The following TENM2 variants were observed in gnomAD, a reference collection of about 807,000 sequenced individuals.
TENM2 encodes the protein teneurin transmembrane protein 2, also known as teneurin-2.
Under a neutral mutation model 245.2 loss-of-function variants are expected in TENM2, and 52 were observed. That is an observed-to-expected ratio of 0.21 (90% confidence interval 0.17 to 0.27). The LOEUF is 0.27. TENM2 is among the 10% of genes least tolerant of loss of function. TENM2 has a pLI of 1.00. For missense variants in TENM2, 3,046 were observed against 3,666.8 expected (o/e 0.83, Z 4.37); for synonymous variants, 1,363 against 1,438.9 (o/e 0.95, Z 1.19).
chr5:167,996,609 C>T (rs775140383), intron 5 of TENM2, among the ~76,000 whole-genome samples: 1 of 152,150 alleles, frequency 6.6e-6, no homozygotes, highest in South Asian at 2.1e-4. Flanking sequence ...TATTACCAAC[C>T]TCACCTATTT....
the TENM2 span, among the ~76,000 whole-genome samples, chr5:167,115,389 A>T: frequency 6.6e-6 from 1 of 152,194 alleles, no homozygotes; most frequent in Non-Finnish European, 1.5e-5. Context: ...TTTATTCTTG[A>T]TACGAAGGGC....
chr5:167,314,180 G>GT (rs1756214138), intron 1 of TENM2, among the ~76,000 whole-genome samples: 1 of 152,142 alleles, frequency 6.6e-6, no homozygotes, highest in South Asian at 2.1e-4. Flanking sequence ...TCTTTTTTAG[G>GT]TTTTTCCCAC....
chr5:167,018,530 A>G, the TENM2 span, among the ~76,000 whole-genome samples: 1 of 152,288 alleles, frequency 6.6e-6, no homozygotes, highest in East Asian at 1.9e-4. Flanking sequence ...GCTAAGAACA[A>G]TATGTCATGA....
At chr5:167,142,630 A>C in the TENM2 span, among the ~76,000 whole-genome samples, 8 of 152,134 alleles carry the variant, frequency 5.3e-5, no homozygotes, top group African/African-American at 1.7e-4. Flanking sequence ...GGCTCACTGC[A>C]GCCTCCTCCA....
chr5:167,101,654 C>A, the TENM2 span, among the ~76,000 whole-genome samples: 1 of 151,278 alleles, frequency 6.6e-6, no homozygotes, highest in African/African-American at 2.4e-5. Context: ...GCTTCCACTC[C>A]CTCTTGGGAA....
intron 27 of TENM2, among the ~76,000 whole-genome samples, chr5:168,252,338 A>G (rs1381380285): frequency 6.9e-6 from 1 of 145,240 alleles, no homozygotes; most frequent in African/African-American, 2.6e-5. Context: ...TGATTGTGCC[A>G]TGGCACTCTT....
chr5:167,202,989 T>G, the TENM2 span, among the ~76,000 whole-genome samples: 3 of 152,190 alleles, frequency 2.0e-5, no homozygotes, highest in Non-Finnish European at 4.4e-5. Flanking sequence ...GGAATTGAGG[T>G]AGAGTGATGA....
chr5:167,211,310 T>C, the TENM2 span, among the ~76,000 whole-genome samples: 6 of 152,224 alleles, frequency 3.9e-5, no homozygotes, highest in African/African-American at 1.2e-4. Flanking sequence ...AAAATATATG[T>C]GATAGTTTGT....
chr5:167,689,913 A>G (rs2150401184), intron 2 of TENM2, among the ~76,000 whole-genome samples: 1 of 152,216 alleles, frequency 6.6e-6, no homozygotes, highest in Non-Finnish European at 1.5e-5. Context: ...GGCGTGAGCC[A>G]CCATGCCCAG....
intron 3 of TENM2, among the ~76,000 whole-genome samples, chr5:167,907,864 T>C (rs1776233593): frequency 6.6e-6 from 1 of 151,958 alleles, no homozygotes; most frequent in Non-Finnish European, 1.5e-5. Context: ...TGCAGCCAAT[T>C]TGTTAAAATG....
intron 2 of TENM2, among the ~76,000 whole-genome samples, chr5:167,565,255 C>T (rs574203883): frequency 3.9e-5 from 6 of 152,162 alleles, no homozygotes; most frequent in Non-Finnish European, 8.8e-5. Flanking sequence ...TAAATGAGGT[C>T]AGGGATAGGT....
intron 1 of TENM2, among the ~76,000 whole-genome samples, chr5:167,339,317 TAAAG>T (rs1221847845): frequency 2.6e-5 from 4 of 152,294 alleles, no homozygotes; most frequent in South Asian, 4.1e-4. Flanking sequence ...GAAGAAATGA[TAAAG>T]AAGGAAGGGC....
the TENM2 span, among the ~76,000 whole-genome samples, chr5:167,105,906 A>C: frequency 1.1e-5 from 1 of 87,056 alleles, no homozygotes; most frequent in Non-Finnish European, 2.9e-5. Context: ...AAAAAAAAAA[A>C]AAAAAAAAAA....
intron 1 of TENM2, among the ~76,000 whole-genome samples, chr5:167,309,564 T>C (rs1399661134): frequency 6.6e-6 from 1 of 152,176 alleles, no homozygotes; most frequent in Non-Finnish European, 1.5e-5. Flanking sequence ...CTCTGCTATG[T>C]GCTTTATCCT....
the TENM2 span, among the ~76,000 whole-genome samples, chr5:167,040,623 C>T: frequency 2.2e-4 from 34 of 152,116 alleles, no homozygotes; most frequent in Middle Eastern, 3.4e-3. Context: ...TGAAAAAAAC[C>T]CTTCTTTTTC....
the TENM2 span, among the ~76,000 whole-genome samples, chr5:166,991,954 A>G: frequency 6.6e-6 from 1 of 152,234 alleles, no homozygotes; most frequent in South Asian, 2.1e-4. Flanking sequence ...ACTGAAAAAA[A>G]AATTTAAATG....
At chr5:167,829,911 A>G (rs1439580088) in intron 2 of TENM2, among the ~76,000 whole-genome samples, 3 of 152,198 alleles carry the variant, frequency 2.0e-5, no homozygotes, top group Non-Finnish European at 2.9e-5. Flanking sequence ...TGAAGGCCAC[A>G]AAGGGCTGAT....
At chr5:167,292,142 G>T (rs1561840330) in intron 1 of TENM2, among the ~76,000 whole-genome samples, 1 of 152,056 alleles carries the variant, frequency 6.6e-6, no homozygotes, top group Admixed American at 6.5e-5. Flanking sequence ...CTCCCACCAG[G>T]TCCCTCCCAT....
chr5:167,070,284 A>ATTTTTTTTTTTTTTTTTTTTTTT, the TENM2 span, among the ~76,000 whole-genome samples: 16 of 99,340 alleles, frequency 1.6e-4, no homozygotes, highest in African/African-American at 4.9e-4. Context: ...CGCCCGGCTA[A>ATTTTTTTTTTTTTTTTTTTTTTT]TTTTTTTTTT....
Sources: allele counts gnomAD v4.1 joint callset (sites outside exome capture counted in the v4.1 genomes callset), GRCh38; gene constraint gnomAD v4.1.1; transcripts MANE v1.5; gene names NCBI Gene and HGNC (gene_info 2026-07-23, HGNC 2026-07-21).